PSD2: variants seen among roughly 807,000 people sequenced by gnomAD.
PSD2 encodes the protein pleckstrin and Sec7 domain containing 2.
Under a neutral mutation model 69.8 loss-of-function variants are expected in PSD2, and 38 were observed. The ratio of observed to expected loss-of-function variants is 0.54; its 90% confidence interval spans 0.42 to 0.71. The LOEUF (loss-of-function observed/expected upper bound fraction) is 0.71. PSD2 is among the 30% of genes least tolerant of loss of function. The pLI, the probability that PSD2 is intolerant of heterozygous loss-of-function variation, is 0.00. For missense variants in PSD2, 943 were observed against 1,014.5 expected, an observed-to-expected ratio of 0.93 and a Z score of 0.96; for synonymous variants, 412 against 423.0, an observed-to-expected ratio of 0.97 and a Z score of 0.32.
At chr5:139,766,448 C>T in the PSD2 span, among the ~76,000 whole-genome samples, 1 of 152,182 alleles carries the variant, frequency 6.6e-6, no homozygotes, top group African/African-American at 2.4e-5. Flanking sequence ...TGGTGGGGGG[C>T]ACCCTCTCCC....
the PSD2 span, among the ~76,000 whole-genome samples, chr5:139,758,427 T>C: frequency 6.6e-6 from 1 of 152,058 alleles, no homozygotes; most frequent in Non-Finnish European, 1.5e-5. Context: ...GGGGTTAGGC[T>C]GTAAAGTGCT....
At chr5:139,748,879 C>T in the PSD2 span, among the ~76,000 whole-genome samples, 4 of 149,430 alleles carry the variant, frequency 2.7e-5, no homozygotes, top group African/African-American at 1.0e-4. Flanking sequence ...GGAGCAGTCA[C>T]CTGATTTCTA....
chr5:139,770,459 A>G, the PSD2 span, among the ~76,000 whole-genome samples: 1 of 152,168 alleles, frequency 6.6e-6, no homozygotes, highest in African/African-American at 2.4e-5. Context: ...CAGGAGGCTG[A>G]GGCAGGAGAA....
At chr5:139,766,924 CCTTCCCT>C in the PSD2 span, among the ~76,000 whole-genome samples, 2 of 33,080 alleles carry the variant, frequency 6.0e-5, 1 homozygote, top group Non-Finnish European at 1.5e-4. Flanking sequence ...TTCCTTCCTT[CCTTCCCT>C]TCTTTCTTTC....
At chr5:139,834,082 G>A (rs1429820089) in intron 8 of PSD2, among the ~76,000 whole-genome samples, 1 of 151,990 alleles carries the variant, frequency 6.6e-6, no homozygotes, top group Non-Finnish European at 1.5e-5. Flanking sequence ...CACCACAACC[G>A]CCACCACCAC....
chr5:139,744,468 C>A, the PSD2 span, among the ~76,000 whole-genome samples: 1 of 152,140 alleles, frequency 6.6e-6, no homozygotes, highest in Non-Finnish European at 1.5e-5. Context: ...TTGGCTAGCT[C>A]CCCCCATGCC....
intron 1 of PSD2, 44 bp from the exon 2 acceptor site, chr5:139,809,347 C>T: frequency 6.8e-7 from 1 of 1,462,950 alleles, no homozygotes; most frequent in Non-Finnish European, 9.2e-7. Context: ...CCCCCCAGCC[C>T]CAGTCCTGTC....
intron 1 of PSD2, among the ~76,000 whole-genome samples, chr5:139,796,255 C>T (rs886415597): frequency 7.2e-5 from 11 of 152,216 alleles, no homozygotes; most frequent in Admixed American, 3.9e-4. Context: ...CCGAGCCCAG[C>T]CTGAGGGACG....
the PSD2 span, among the ~76,000 whole-genome samples, chr5:139,779,755 T>C: frequency 6.6e-6 from 1 of 152,230 alleles, no homozygotes; most frequent in Non-Finnish European, 1.5e-5. Flanking sequence ...CATTCTAGAA[T>C]GTCATAATCA....
the PSD2 span, among the ~76,000 whole-genome samples, chr5:139,788,998 G>C: frequency 4.6e-5 from 7 of 152,190 alleles, no homozygotes; most frequent in African/African-American, 1.7e-4. Context: ...ACATGGGAGT[G>C]GTGGGTCACG....
chr5:139,810,885 C>G (rs1014786076), intron 2 of PSD2, among the ~76,000 whole-genome samples: 4 of 151,938 alleles, frequency 2.6e-5, no homozygotes, highest in African/African-American at 9.7e-5. Flanking sequence ...CAGTTGGAGG[C>G]TTGCAGATTG....
chr5:139,782,426 C>T, the PSD2 span, among the ~76,000 whole-genome samples: 10,054 of 151,798 alleles, frequency 0.066, 418 homozygotes, highest in Non-Finnish European at 0.091. Context: ...TCAGGTGATC[C>T]GCCCATTTTG....
At chr5:139,836,345 C>A (rs1482672005) in intron 9 of PSD2, among the ~76,000 whole-genome samples, 1 of 152,198 alleles carries the variant, frequency 6.6e-6, no homozygotes. Context: ...GGAACTCCAA[C>A]CCCACAGGGA....
chr5:139,824,349 T>C (rs546319633), intron 7 of PSD2, among the ~76,000 whole-genome samples: 8 of 152,096 alleles, frequency 5.3e-5, no homozygotes, highest in Non-Finnish European at 8.8e-5. Flanking sequence ...GGGATGAGTG[T>C]TCATGTTTGC....
intron 1 of PSD2, among the ~76,000 whole-genome samples, chr5:139,804,946 C>A (rs762888757): frequency 1.3e-5 from 2 of 149,374 alleles, no homozygotes; most frequent in African/African-American, 2.5e-5. Context: ...TGTGTCTGCA[C>A]GTGTGCGTGT....
At chr5:139,758,948 G>C in the PSD2 span, among the ~76,000 whole-genome samples, 1 of 148,272 alleles carries the variant, frequency 6.7e-6, no homozygotes, top group East Asian at 1.9e-4. Flanking sequence ...GGTTCTGCTG[G>C]GCCCAGCCTC....
upstream of PSD2, among the ~76,000 whole-genome samples, chr5:139,794,661 A>G (rs1759477014): frequency 6.6e-6 from 1 of 152,140 alleles, no homozygotes; most frequent in Non-Finnish European, 1.5e-5. Flanking sequence ...CTGGAGATGG[A>G]AGCAACTGGG....
the PSD2 span, among the ~76,000 whole-genome samples, chr5:139,764,454 C>A: frequency 3.9e-3 from 587 of 152,252 alleles, 1 homozygote; most frequent in Non-Finnish European, 6.3e-3. Flanking sequence ...ATATCCGTGT[C>A]CCGGGGGTCT....
At chr5:139,828,003 G>T (rs899045185) in intron 7 of PSD2, among the ~76,000 whole-genome samples, 9 of 152,156 alleles carry the variant, frequency 5.9e-5, no homozygotes, top group Admixed American at 1.3e-4. Flanking sequence ...TGGGGGTCAG[G>T]AGTTGTATTT....
Sources: gnomAD v4.1 joint callset for allele counts (sites outside exome capture counted in the v4.1 genomes callset) on GRCh38, gnomAD v4.1.1 for gene constraint, MANE v1.5 for transcripts, NCBI Gene and HGNC (gene_info 2026-07-23, HGNC 2026-07-21) for gene names.